TMOD2: variants seen among roughly 807,000 people sequenced by gnomAD.
The protein encoded by TMOD2 is tropomodulin 2, also known as tropomodulin-2.
TMOD2 carries 22 observed loss-of-function variants against 39.9 expected under a neutral mutation model. The observed-to-expected ratio is 0.55, with a 90% CI of 0.39 to 0.79. The LOEUF (loss-of-function observed/expected upper bound fraction) is 0.79, where lower values mean the gene tolerates loss of function less well. Among genes scored for constraint, TMOD2 ranks in the 30% least tolerant of loss-of-function variants. The pLI is 0.00. For synonymous variants in TMOD2, 123 were observed against 146.1 expected (o/e 0.84, Z 1.14); for missense variants, 386 against 413.3 (o/e 0.93, Z 0.57).
intron 7 of TMOD2, among the ~76,000 whole-genome samples, chr15:51,797,205 G>A (rs138475677): frequency 3.2e-4 from 48 of 152,314 alleles, no homozygotes; most frequent in African/African-American, 1.1e-3. Context: ...CCCCCACACT[G>A]TACTGGTGTG....
At chr15:51,783,703 A>C (rs565175173) in intron 7 of TMOD2, 1 of 152,100 alleles carries the variant, frequency 6.6e-6, no homozygotes, top group Non-Finnish European at 1.5e-5. Context: ...GCAGTGAGCT[A>C]TGATTGCACC....
chr15:51,788,975 C>T (rs574007257), intron 7 of TMOD2, among the ~76,000 whole-genome samples: 18 of 152,304 alleles, frequency 1.2e-4, no homozygotes, highest in African/African-American at 4.3e-4. Flanking sequence ...AACCAGCTAG[C>T]ATCATAATGA....
intron 7 of TMOD2, among the ~76,000 whole-genome samples, chr15:51,788,037 C>A (rs1282524761): frequency 6.6e-6 from 1 of 152,110 alleles, no homozygotes; most frequent in Non-Finnish European, 1.5e-5. Context: ...TTCAGAAGGT[C>A]GGTAATAACA....
intron 7 of TMOD2, among the ~76,000 whole-genome samples, chr15:51,786,309 A>G (rs774524707): frequency 6.6e-6 from 1 of 152,076 alleles, no homozygotes; most frequent in Non-Finnish European, 1.5e-5. Context: ...GTGATGTTTT[A>G]TTGGGAGTCC....
intron 7 of TMOD2, among the ~76,000 whole-genome samples, chr15:51,797,646 C>A (rs1407116778): frequency 6.6e-6 from 1 of 152,140 alleles, no homozygotes; most frequent in Non-Finnish European, 1.5e-5. Flanking sequence ...AGTCCGCTGT[C>A]TCAAACTGGA....
intron 2 of TMOD2, among the ~76,000 whole-genome samples, chr15:51,767,469 A>G (rs761127812): frequency 1.3e-5 from 2 of 152,244 alleles, no homozygotes; most frequent in Non-Finnish European, 2.9e-5. Flanking sequence ...TAATGTTTTT[A>G]TAAGTTCTTG....
chr15:51,766,461 A>T lies in TMOD2; in HGVS notation c.20A>T (p.Lys7Ile). Residue 7 changes from lysine (K) to isoleucine (I), a missense_variant, in exon 2 of 10, where the codon AAA becomes ATA. Transcript: ENST00000249700. ...GAAGCCATGGCACTCCCCTTTCAAAAAGAGCTGGAGAAATACAAGAACATT... is the reference window on the plus strand; with the variant it reads ...GAAGCCATGGCACTCCCCTTTCAAATAGAGCTGGAGAAATACAAGAACATT... Reference protein sequence around the residue: MALPFQKELEKYKNIDE... With the variant: MALPFQIELEKYKNIDE... 6.2e-7 allele frequency: 1 copy of T among 1,614,080 alleles called. No individual in the cohort carries two copies. Among genetic ancestry groups the T allele is most frequent in the Non-Finnish European group, 8.5e-7 (1 of 1,179,972 alleles).
At chr15:51,751,917 G>T (rs2055706728) in intron 1 of TMOD2, among the ~76,000 whole-genome samples, 1 of 149,480 alleles carries the variant, frequency 6.7e-6, no homozygotes. Flanking sequence ...GAGACCAGGC[G>T]CTGCGCCCGG....
intron 7 of TMOD2, chr15:51,783,543 A>G (rs1192373295): frequency 6.6e-6 from 1 of 152,192 alleles, no homozygotes; most frequent in African/African-American, 2.4e-5. Context: ...TGTGTCTAAA[A>G]TATCTTAGAC....
intron 8 of TMOD2, among the ~76,000 whole-genome samples, chr15:51,799,867 A>C (rs942241102): frequency 6.6e-6 from 1 of 152,154 alleles, no homozygotes; most frequent in Non-Finnish European, 1.5e-5. Context: ...ACTAACACAG[A>C]AGTGGATACC....
intron 1 of TMOD2, among the ~76,000 whole-genome samples, chr15:51,757,286 C>T (rs1287606593): frequency 2.6e-5 from 4 of 151,568 alleles, no homozygotes; most frequent in Admixed American, 6.6e-5. Context: ...CCTGTAGTCC[C>T]AGCTTCTCGG....
chr15:51,764,581 T>C (rs1007328378), intron 1 of TMOD2, among the ~76,000 whole-genome samples: 12 of 152,194 alleles, frequency 7.9e-5, no homozygotes, highest in Admixed American at 7.2e-4. Context: ...CTGTGGTGGC[T>C]TGCCATTCCC....
At chr15:51,783,901 T>A (rs949867342) in intron 7 of TMOD2, 2 of 152,228 alleles carry the variant, frequency 1.3e-5, no homozygotes, top group African/African-American at 4.8e-5. Context: ...ATCACTATCA[T>A]GATTTTTATT....
intron 5 of TMOD2, among the ~76,000 whole-genome samples, chr15:51,778,939 T>C (rs2055910014): frequency 6.6e-6 from 1 of 152,086 alleles, no homozygotes; most frequent in Non-Finnish European, 1.5e-5. Context: ...AGTGGTAATT[T>C]AGACACACAA....
At chr15:51,763,557 C>CT (rs1397008199) in intron 1 of TMOD2, among the ~76,000 whole-genome samples, 4 of 152,164 alleles carry the variant, frequency 2.6e-5, no homozygotes, top group Admixed American at 2.6e-4. Context: ...AGCCATTGAA[C>CT]TGGGCACTTA....
chr15:51,782,755 A>T lies in TMOD2; in HGVS notation c.659A>T (p.Lys220Met). ...IPIPTLREFAKALETNTHVKK... is the reference protein window; with the variant it reads ...IPIPTLREFAMALETNTHVKK... Reference sequence around the variant, plus strand: ...ATTCCAACCCTGAGGGAATTTGCAAAGGCTCTGGAGACCAACACTCACGTG... The same window carrying T: ...ATTCCAACCCTGAGGGAATTTGCAATGGCTCTGGAGACCAACACTCACGTG... Residue 220 changes from lysine (K) to methionine (M), a missense_variant, in exon 7 of 10, where the codon AAG becomes ATG. By Grantham distance (95) the Lys-to-Met change is moderately conservative. Coordinates refer to ENST00000249700, the MANE Select transcript of TMOD2 (RefSeq NM_014548.4). 3 of 1,614,024 alleles carry T rather than the reference A, an allele frequency of 1.9e-6. No homozygotes were observed. The highest frequency in any genetic ancestry group is 2.5e-6 in the Non-Finnish European group (3 of 1,179,896).
At chr15:51,763,332 A>G (rs575984266) in intron 1 of TMOD2, among the ~76,000 whole-genome samples, 1 of 152,346 alleles carries the variant, frequency 6.6e-6, no homozygotes, top group African/African-American at 2.4e-5. Context: ...TGGATTTTTA[A>G]AATCATATAT....
chr15:51,782,789 C>T lies in TMOD2; in HGVS notation c.693C>T (p.Phe231=). ...AGACCAACACTCACGTGAAGAAGTT[C>T]AGCCTGGCCGCAACTCGCAGCAATG... The part of the protein sequence containing the change: ...ALETNTHVKK[F]SLAATRSNDP... The change falls in exon 7 of 10, where the codon TTC becomes TTT. Residue 231 remains phenylalanine (F), a synonymous_variant. Coordinates refer to ENST00000249700, the MANE Select transcript of TMOD2 (RefSeq NM_014548.4). 1 of 1,614,058 alleles carries T rather than the reference C, an allele frequency of 6.2e-7. No individual in the cohort carries two copies. The highest frequency in any genetic ancestry group is 8.5e-7 in the Non-Finnish European group (1 of 1,179,948).
At position 51,808,613 on chromosome 15, in the gene TMOD2, A is replaced by T. The variant is rs886453194; in HGVS notation, c.*159A>T. 4 of 491,614 alleles carry T rather than the reference A, an allele frequency of 8.1e-6. No individual in the cohort carries two copies. Among genetic ancestry groups the T allele is most frequent in the Non-Finnish European group, 1.4e-5 (4 of 286,334 alleles). The allele number at this position is 491,614 out of a possible 1,614,324, so 30.5% of individuals were successfully genotyped here. On this transcript the variant is annotated 3_prime_UTR_variant, in exon 10 of 10. Coordinates refer to ENST00000249700, the MANE Select transcript of TMOD2 (RefSeq NM_014548.4). Reference sequence around the variant, plus strand: ...TATTCTTTTTTAGCACTACTTATTTATCTTGGATTTTGTAATATATGCAAT... The same window carrying T: ...TATTCTTTTTTAGCACTACTTATTTTTCTTGGATTTTGTAATATATGCAAT...
Sources: gnomAD v4.1 joint callset for allele counts (sites outside exome capture counted in the v4.1 genomes callset) on GRCh38, gnomAD v4.1.1 for gene constraint, MANE v1.5 for transcripts, NCBI Gene and HGNC (gene_info 2026-07-23, HGNC 2026-07-21) for gene names.